Variants in RAP1GAP observed in about 807,000 individuals in gnomAD.
RAP1GAP encodes rap1 GTPase-activating protein 1.
Under a neutral mutation model 87.2 loss-of-function variants are expected in RAP1GAP, and 35 were observed. The ratio of observed to expected loss-of-function variants is 0.40; its 90% confidence interval spans 0.31 to 0.53. The LOEUF (loss-of-function observed/expected upper bound fraction) is 0.53. Ranked by LOEUF, RAP1GAP falls within the 20% of genes least tolerant of loss-of-function variation. RAP1GAP has a pLI of 0.48. For missense variants in RAP1GAP, 734 were observed against 898.9 expected, an observed-to-expected ratio of 0.82 and a Z score of 2.35; for synonymous variants, 375 against 363.9, an observed-to-expected ratio of 1.03 and a Z score of -0.35.
chr1:21,668,431 G>C lies in RAP1GAP; in HGVS notation c.-149+823C>G, dbSNP rs1270418430. On this transcript the variant is annotated intron_variant, in intron 1 of 24. Transcript: ENST00000374765. The surrounding 1 kb of genome is among the most constrained non-coding windows in gnomAD (Gnocchi z 6.2). ...GATGTTCTTCCTGACCCCACCACCG[G>C]GCCTGTGCTATGACCCCAACAAGGA... is the stretch of plus-strand genomic sequence containing the variant. 1.3e-5 allele frequency: 2 copies of C among 152,484 alleles called. No individual in the cohort carries two copies. The highest frequency in any genetic ancestry group is 3.4e-3 in the Middle Eastern group (1 of 294). The allele number at this position is 152,484 out of a possible 1,614,324, so 9.4% of individuals were successfully genotyped here.
intron 20 of RAP1GAP, 32 bp downstream of exon 20, chr1:21,601,652 G>A: frequency 6.6e-7 from 1 of 1,515,976 alleles, no homozygotes; most frequent in Non-Finnish European, 9.0e-7. Flanking sequence ...CCACTCCCAA[G>A]CCCCCAAGCC....
intron 1 of RAP1GAP, among the ~76,000 whole-genome samples, chr1:21,655,902 G>C (rs532636288): frequency 1.3e-5 from 2 of 152,322 alleles, no homozygotes; most frequent in East Asian, 3.9e-4. Context: ...TCAGGTCTGG[G>C]CTCTAGGTGG....
At chr1:21,635,699 C>T (rs1161206282) in intron 2 of RAP1GAP, among the ~76,000 whole-genome samples, 2 of 152,226 alleles carry the variant, frequency 1.3e-5, no homozygotes, top group Non-Finnish European at 2.9e-5. Flanking sequence ...CCTCACAACT[C>T]CCCAGGCGGG....
At chr1:21,661,766 T>C (rs1327788478) in intron 1 of RAP1GAP, among the ~76,000 whole-genome samples, 1 of 152,266 alleles carries the variant, frequency 6.6e-6, no homozygotes, top group Non-Finnish European at 1.5e-5. Flanking sequence ...AGCTGTGAGC[T>C]GAGCCAGGAA....
rs1019901897 is a variant in RAP1GAP at position 21,619,173 on chromosome 1, G to A, written c.19-101C>T. On this transcript the variant is annotated intron_variant, in intron 4 of 24. Transcript: ENST00000374765. ...AGGGGAAAGCCCTAGGAGGCGGCCC[G>A]CGAAGGTAGGGGTACTCCCAGGGCA... The A allele has an allele frequency of 6.3e-5, 80 of 1,269,850 alleles. 1 individual carries two copies. In the South Asian group the frequency reaches 8.1e-4, roughly 13 times the overall value. 78.7% of individuals were successfully genotyped at this position (1,269,850 alleles called of 1,614,324 possible).
chr1:21,643,147 G>T (rs980871922), intron 2 of RAP1GAP, among the ~76,000 whole-genome samples: 1 of 151,998 alleles, frequency 6.6e-6, no homozygotes, highest in Non-Finnish European at 1.5e-5. Flanking sequence ...CCCAGCACAG[G>T]GTTTGGCCCT....
intron 1 of RAP1GAP, chr1:21,665,250 G>T (rs747619914): frequency 1.9e-6 from 1 of 517,568 alleles, no homozygotes; most frequent in Non-Finnish European, 3.9e-6. Flanking sequence ...GTCAGAATTC[G>T]AACTTGGGTC....
At chr1:21,656,453 AAG>A (rs2096870911) in intron 1 of RAP1GAP, among the ~76,000 whole-genome samples, 1 of 145,908 alleles carries the variant, frequency 6.9e-6, no homozygotes, top group African/African-American at 2.5e-5. Flanking sequence ...AAAAAAAAAA[AAG>A]ACCTAACAAC....
chr1:21,608,233 C>T lies in RAP1GAP; in HGVS notation c.1276G>A (p.Gly426Ser), dbSNP rs1329079794. Residue 426 changes from glycine (G) to serine (S), a missense_variant, in exon 17 of 25, where the codon GGC (glycine) becomes AGC (serine). Around this residue, in one of 2 missense-constraint regions of RAP1GAP, gnomAD observed 485 missense variants for 646.2 expected, o/e 0.75. Transcript: ENST00000374765. ...TTCACCTTGAAAGACTCAAAGAAGC[C>T]GCCGCCCCCACTGCCATTCTCCATC... The part of the protein sequence containing the change: ...DKMENGSGGG[G>S]FFESFKRVIR... 6.2e-7 allele frequency: 1 copy of T among 1,613,588 alleles called. No homozygotes were observed. The highest frequency in any genetic ancestry group is 8.5e-7 in the Non-Finnish European group (1 of 1,179,508).
At position 21,603,138 on chromosome 1, in the gene RAP1GAP, G is replaced by A. The variant is rs944337712; in HGVS notation, c.1429-225C>T. On this transcript the variant is annotated intron_variant, in intron 18 of 24. Transcript: ENST00000374765. The surrounding 1 kb of genome is among the most constrained non-coding windows in gnomAD (Gnocchi z 6.0). Reference sequence around the variant, plus strand: ...CCGAGCTCACACGGCAGGACTGCACGTCAATACTGGCCCAGGATTAGGACA... The same window carrying A: ...CCGAGCTCACACGGCAGGACTGCACATCAATACTGGCCCAGGATTAGGACA... The A allele has an allele frequency of 3.1e-5, 17 of 543,770 alleles. No individual in the cohort carries two copies. The highest frequency in any genetic ancestry group is 2.4e-4 in the East Asian group (8 of 33,464). 33.7% of individuals were successfully genotyped at this position (543,770 alleles called of 1,614,324 possible).
At chr1:21,627,409 CT>C (rs755209828) in intron 2 of RAP1GAP, among the ~76,000 whole-genome samples, 5,085 of 125,190 alleles carry the variant, frequency 0.041, 100 homozygotes, top group African/African-American at 0.049. Flanking sequence ...CTCCCTTCTT[CT>C]TTTTTTTTTT....
intron 18 of RAP1GAP, among the ~76,000 whole-genome samples, chr1:21,605,577 G>T (rs550891412): frequency 6.6e-6 from 1 of 151,230 alleles, no homozygotes; most frequent in South Asian, 2.1e-4. Flanking sequence ...AGGTACTCAG[G>T]GCCAGGCCCA....
chr1:21,613,228 A>C lies in RAP1GAP; in HGVS notation c.476T>G (p.Leu159Trp). The C allele has an allele frequency of 6.4e-7, 1 of 1,555,872 alleles. No individual in the cohort carries two copies. Among genetic ancestry groups the C allele is most frequent in the Non-Finnish European group, 8.9e-7 (1 of 1,127,200 alleles). The change falls in exon 10 of 25, where the codon TTG becomes TGG. Residue 159 changes from leucine to tryptophan, a missense_variant and splice_region_variant. By Grantham distance (61) the Leu-to-Trp change is moderately conservative. Around this residue, in one of 2 missense-constraint regions of RAP1GAP, gnomAD observed 485 missense variants for 646.2 expected, o/e 0.75. Transcript: ENST00000374765. This position sits in a 1 kb window ranked among gnomAD's most constrained non-coding sequence, Gnocchi z 4.7. ...ATCCACATTGACGTCTTCACACACC[A>C]ACTGCAGGAGGAGATAAGGGAGGGG... ...EFPNVVQMAK[L>W]VCEDVNVDRF...
At chr1:21,661,462 C>T (rs1227364815) in intron 1 of RAP1GAP, among the ~76,000 whole-genome samples, 1 of 152,160 alleles carries the variant, frequency 6.6e-6, no homozygotes, top group Non-Finnish European at 1.5e-5. Flanking sequence ...AGAAAGTCAA[C>T]TTTAGTCCTA....
In RAP1GAP at chr1:21,611,462, T is replaced by C; in HGVS notation, c.833A>G (p.Asp278Gly). The C allele has an allele frequency of 6.2e-7, 1 of 1,613,864 alleles. No individual in the cohort carries two copies. Among genetic ancestry groups the C allele is most frequent in the Non-Finnish European group, 8.5e-7 (1 of 1,179,884 alleles). The change falls in exon 13 of 25, where the codon GAC becomes GGC. Residue 278 changes from aspartate to glycine, a missense_variant. This residue lies in a region of RAP1GAP where 485 missense variants were observed against 646.2 expected (regional missense o/e 0.75). Coordinates refer to ENST00000374765, the MANE Select transcript of RAP1GAP (RefSeq NM_002885.4). ...GGGTGCCCAGGCTACCTGCTGGGCG[T>C]CCCCTTCCGTGTATGGCAGCTTGGT... ...VSTKLPYTEG[D>G]AQQLQRKRHI...
intron 4 of RAP1GAP, 108 bp from the exon 5 acceptor site, chr1:21,619,180 T>C (rs1319364092): frequency 8.4e-7 from 1 of 1,197,038 alleles, no homozygotes; most frequent in South Asian, 1.4e-5. Flanking sequence ...CCCGCGAAGG[T>C]AGGGGTACTC....
intron 11 of RAP1GAP, 22 bp downstream of exon 11, chr1:21,612,004 G>A (rs1442392018): frequency 6.5e-6 from 10 of 1,527,646 alleles, no homozygotes; most frequent in Non-Finnish European, 8.9e-6. Flanking sequence ...GGGGAGGGGC[G>A]GCAGGGAGGA....
intron 2 of RAP1GAP, among the ~76,000 whole-genome samples, chr1:21,627,431 T>TTA (rs2092581901): frequency 6.8e-6 from 1 of 148,002 alleles, no homozygotes; most frequent in African/African-American, 2.5e-5. Flanking sequence ...TTTTTTTTTT[T>TTA]ATGACAGAGT....
At position 21,660,351 on chromosome 1, in the gene RAP1GAP, A is replaced by ATTTG. The variant is rs1484638681; in HGVS notation, c.-149+8902_-149+8903insCAAA. 1.2e-3 allele frequency among the ~76,000 whole-genome samples: 163 copies of ATTTG among 132,480 alleles called. 8 individuals are homozygous for ATTTG. Among genetic ancestry groups the ATTTG allele is most frequent in the Non-Finnish European group, 1.6e-3 (95 of 60,746 alleles). The allele number at this position is 132,480 out of a possible 152,430, so 86.9% of individuals were successfully genotyped here. On this transcript the variant is annotated intron_variant, in intron 1 of 24. Transcript: ENST00000374765. The stretch of plus-strand genomic sequence containing the variant: ...GGTTCCAACTCAGCTATATATATTT[A>ATTTG]TTGAGACAGTCTCGCTCTGTCACCC...
Sources: gnomAD v4.1 joint callset for allele counts (sites outside exome capture counted in the v4.1 genomes callset) on GRCh38, gnomAD v4.1.1 for gene constraint, gnomAD v4.1.1 regional missense constraint, Gnocchi (gnomAD v3.1) non-coding constraint, MANE v1.5 for transcripts, NCBI Gene and HGNC (gene_info 2026-07-23, HGNC 2026-07-21) for gene names.